The following DPF3 variants were observed in gnomAD, a reference collection of about 807,000 sequenced individuals.
DPF3 encodes double PHD fingers 3, also known as zinc finger protein DPF3.
Under a neutral mutation model 56.8 loss-of-function variants are expected in DPF3, and 18 were observed. That is an observed-to-expected ratio of 0.32 (90% CI 0.22 to 0.47). DPF3 has a LOEUF of 0.47. Ranked by LOEUF, DPF3 falls within the 20% of genes least tolerant of loss-of-function variation. The pLI is 1.00. For synonymous variants in DPF3, 188 were observed against 180.2 expected, an observed-to-expected ratio of 1.04 and a Z score of -0.35; for missense variants, 403 against 488.8, an observed-to-expected ratio of 0.82 and a Z score of 1.65.
At chr14:72,892,460 G>C (rs1053759248) in intron 1 of DPF3, 177 of 1,430,560 alleles carry the variant, frequency 1.2e-4, no homozygotes, top group Admixed American at 2.6e-4. Flanking sequence ...TCCTCTTAAC[G>C]GCAGCTTTCA....
chr14:72,673,810 C>T (rs993681033), intron 8 of DPF3, among the ~76,000 whole-genome samples: 1 of 152,116 alleles, frequency 6.6e-6, no homozygotes, highest in African/African-American at 2.4e-5. Flanking sequence ...GGTTGCTCTC[C>T]GAATACTCAT....
At chr14:72,829,029 T>C (rs529430478) in intron 1 of DPF3, among the ~76,000 whole-genome samples, 114 of 152,320 alleles carry the variant, frequency 7.5e-4, no homozygotes, top group Non-Finnish European at 1.2e-3. Flanking sequence ...TAAGAAAGCC[T>C]TGCCCAAGGT....
chr14:72,761,272 T>C (rs1272333266), intron 2 of DPF3, among the ~76,000 whole-genome samples: 1 of 152,126 alleles, frequency 6.6e-6, no homozygotes, highest in African/African-American at 2.4e-5. Context: ...CAAAACACAA[T>C]TCTTTTCCTG....
At chr14:72,872,108 A>C (rs113263318) in intron 1 of DPF3, among the ~76,000 whole-genome samples, 11,036 of 152,280 alleles carry the variant, frequency 0.072, 590 homozygotes, top group South Asian at 0.16. Context: ...CCACCCTCTG[A>C]AGTCACAGCC....
At chr14:72,791,700 A>G (rs77106904) in intron 1 of DPF3, among the ~76,000 whole-genome samples, 6,137 of 152,330 alleles carry the variant, frequency 0.04, 431 homozygotes, top group African/African-American at 0.14. Context: ...TGCCATTTGC[A>G]TACATTCACT....
intron 1 of DPF3, among the ~76,000 whole-genome samples, chr14:72,858,896 T>A (rs1323839015): frequency 6.6e-6 from 1 of 152,208 alleles, no homozygotes; most frequent in Non-Finnish European, 1.5e-5. Context: ...CAAATATACA[T>A]CATTTCTATA....
At chr14:72,739,184 G>A (rs1890026491) in intron 3 of DPF3, among the ~76,000 whole-genome samples, 1 of 151,792 alleles carries the variant, frequency 6.6e-6, no homozygotes, top group Admixed American at 6.6e-5. Flanking sequence ...GGAGGTTGCA[G>A]TGAGCCAAGA....
chr14:72,822,982 G>A (rs752718052), intron 1 of DPF3, among the ~76,000 whole-genome samples: 2 of 152,118 alleles, frequency 1.3e-5, no homozygotes, highest in African/African-American at 2.4e-5. Context: ...CGCTCCCATC[G>A]GACTAGAATC....
At chr14:72,781,089 G>A (rs1049576827) in intron 1 of DPF3, among the ~76,000 whole-genome samples, 2 of 152,216 alleles carry the variant, frequency 1.3e-5, no homozygotes, top group Admixed American at 6.5e-5. Context: ...AATGAGAGGG[G>A]ACTTGTGTTG....
intron 1 of DPF3, among the ~76,000 whole-genome samples, chr14:72,870,983 A>T (rs989949362): frequency 9.9e-6 from 1 of 100,900 alleles, no homozygotes; most frequent in African/African-American, 4.5e-5. Context: ...GTTTAATTGG[A>T]CTTAAAGTCC....
At chr14:72,750,012 T>C (rs1890500882) in intron 3 of DPF3, among the ~76,000 whole-genome samples, 1 of 152,200 alleles carries the variant, frequency 6.6e-6, no homozygotes, top group African/African-American at 2.4e-5. Flanking sequence ...ACTTTCCTTT[T>C]TCTGCTTAAG....
intron 1 of DPF3, among the ~76,000 whole-genome samples, chr14:72,820,726 G>A (rs2140033573): frequency 6.6e-6 from 1 of 152,310 alleles, no homozygotes; most frequent in South Asian, 2.1e-4. Flanking sequence ...CAGGCACTGT[G>A]GTTCACACCT....
At chr14:72,806,656 G>C (rs1388016093) in intron 1 of DPF3, 1 of 152,172 alleles carries the variant, frequency 6.6e-6, no homozygotes, top group Non-Finnish European at 1.5e-5. Flanking sequence ...TGAAAATGTG[G>C]AAAACCTCTA....
chr14:72,737,100 G>A (rs1276076884), intron 3 of DPF3, among the ~76,000 whole-genome samples: 1 of 150,486 alleles, frequency 6.6e-6, no homozygotes, highest in Non-Finnish European at 1.5e-5. Context: ...GAAGCAAATC[G>A]GTTTCTAAAT....
At chr14:72,853,705 T>C (rs952660414) in intron 1 of DPF3, among the ~76,000 whole-genome samples, 19 of 152,192 alleles carry the variant, frequency 1.2e-4, no homozygotes, top group African/African-American at 4.1e-4. Context: ...GACCTTGTGA[T>C]CTGCCTGCCT....
At chr14:72,800,164 G>A (rs148834704) in intron 1 of DPF3, among the ~76,000 whole-genome samples, 2 of 152,270 alleles carry the variant, frequency 1.3e-5, no homozygotes, top group East Asian at 3.9e-4. Flanking sequence ...GAACTCAAAT[G>A]CTTTTGAAAT....
chr14:72,892,588 A>G (rs1392879954), intron 1 of DPF3: 2 of 1,262,560 alleles, frequency 1.6e-6, no homozygotes, highest in African/African-American at 3.1e-5. Flanking sequence ...GGAACCCCCT[A>G]CCGTCCCCGG....
intron 9 of DPF3, among the ~76,000 whole-genome samples, chr14:72,624,448 C>T (rs1259635716): frequency 6.7e-6 from 1 of 149,762 alleles, no homozygotes; most frequent in African/African-American, 2.4e-5. Flanking sequence ...AAGCAATTCT[C>T]CTGCCTCAGC....
rs1456874119 is a variant in DPF3 at position 72,774,020 on chromosome 14, C to T, written c.33-2127G>A. On this transcript the variant is annotated intron_variant, in intron 1 of 10. Transcript: ENST00000556509. ...TGCTTTCAGGCTGGGCGCAGTGGCTCATGCCTGTAATCCCAGCACTTTGGG... is the reference window on the plus strand; with the variant it reads ...TGCTTTCAGGCTGGGCGCAGTGGCTTATGCCTGTAATCCCAGCACTTTGGG... 3 of 452,808 alleles carry T rather than the reference C, an allele frequency of 6.6e-6. No individual in the cohort carries two copies. The East Asian group carries it at 2.1e-4, about 31-fold the overall frequency. The allele number at this position is 452,808 out of a possible 1,614,324, so 28.0% of individuals were successfully genotyped here.
Sources: allele counts gnomAD v4.1 joint callset (sites outside exome capture counted in the v4.1 genomes callset), GRCh38; gene constraint gnomAD v4.1.1; transcripts MANE v1.5; gene names NCBI Gene and HGNC (gene_info 2026-07-23, HGNC 2026-07-21).